Variants in DNAH3 observed in about 807,000 individuals in gnomAD.
The protein encoded by DNAH3 is axonemal beta dynein heavy chain 3.
Under a neutral mutation model 432.5 loss-of-function variants are expected in DNAH3, and 332 were observed. The observed-to-expected ratio is 0.77, with a 90% CI of 0.70 to 0.84. DNAH3 has a LOEUF of 0.84. Ranked by LOEUF, DNAH3 falls within the 40% of genes least tolerant of loss-of-function variation. The pLI is 0.00. For missense variants in DNAH3, 4,861 were observed against 5,114.0 expected (o/e 0.95, Z 1.51); for synonymous variants, 1,956 against 1,900.2 (o/e 1.03, Z -0.76).
At chr16:21,140,608 C>T in exon 5 of DNAH3, 2 of 1,614,152 alleles carry the variant, frequency 1.2e-6, no homozygotes, top group Non-Finnish European at 1.7e-6. Flanking sequence ...TGACATCGAG[C>T]TGCTGTTCTG....
chr16:20,953,434 C>G, intron 55 of DNAH3, among the ~76,000 whole-genome samples: 1 of 152,172 alleles, frequency 6.6e-6, no homozygotes, highest in South Asian at 2.1e-4. Context: ...GCTGGGATTA[C>G]AGGTGTGAAC....
chr16:21,083,350 C>T (rs190772759), intron 19 of DNAH3, among the ~76,000 whole-genome samples: 2 of 152,236 alleles, frequency 1.3e-5, no homozygotes, highest in Admixed American at 1.3e-4. Flanking sequence ...ACTCAGAAAG[C>T]ACAAAAGCAA....
intron 16 of DNAH3, 62 bp downstream of exon 16, chr16:21,104,409 C>G (rs949780237): frequency 6.2e-6 from 9 of 1,459,528 alleles, no homozygotes; most frequent in African/African-American, 1.4e-5. Context: ...GAACCAGGAA[C>G]CTGCAGCATG....
intron 41 of DNAH3, among the ~76,000 whole-genome samples, chr16:21,004,537 T>A (rs2087184299): frequency 6.6e-6 from 1 of 152,004 alleles, no homozygotes; most frequent in African/African-American, 2.4e-5. Context: ...CCTGCTAATT[T>A]TTGTATTATT....
chr16:21,154,951 CT>C lies in DNAH3; in HGVS notation c.117+4373del, dbSNP rs772054168. Among the ~76,000 whole-genome samples, 202 of 134,640 alleles carry C rather than the reference CT, an allele frequency of 1.5e-3. 1 individual carries two copies. Among genetic ancestry groups the C allele is most frequent in the South Asian group, 5.4e-3 (22 of 4,098 alleles). The allele number at this position is 134,640 out of a possible 152,430, so 88.3% of individuals were successfully genotyped here. ...TTCTCAATCTTCTTTTTCTTTCTTTCTTTTTTTTTTTTTTTTGAGATGGAAT... is the reference window on the plus strand; with the variant it reads ...TTCTCAATCTTCTTTTTCTTTCTTTCTTTTTTTTTTTTTTTGAGATGGAAT... On this transcript the variant is annotated intron_variant, in intron 1 of 61. Transcript: ENST00000261383.
chr16:20,941,220 A>G (rs560995940), intron 59 of DNAH3, among the ~76,000 whole-genome samples, 181 bp downstream of exon 59: 1 of 152,190 alleles, frequency 6.6e-6, no homozygotes, highest in Non-Finnish European at 1.5e-5. Context: ...AATAGAAGGA[A>G]TGATTCAACC....
chr16:20,993,743 G>T (rs1441912972), intron 44 of DNAH3, among the ~76,000 whole-genome samples: 2 of 152,040 alleles, frequency 1.3e-5, no homozygotes, highest in African/African-American at 4.8e-5. Flanking sequence ...CAGTGCAGTG[G>T]TGTAATCATA....
chr16:21,055,421 A>G (rs1478627628), intron 27 of DNAH3, among the ~76,000 whole-genome samples: 4 of 152,226 alleles, frequency 2.6e-5, no homozygotes, highest in Non-Finnish European at 4.4e-5. Flanking sequence ...TAGAGTAGAG[A>G]ATAAAATCGT....
At chr16:20,963,376 G>A (rs760103532) in exon 53 of DNAH3, 1 of 1,614,128 alleles carries the variant, frequency 6.2e-7, no homozygotes, top group Non-Finnish European at 8.5e-7. Flanking sequence ...GAACGTAGGG[G>A]CTTCGATATA....
At chr16:21,041,948 T>C in intron 32 of DNAH3, 79 bp downstream of exon 32, 3 of 1,537,788 alleles carry the variant, frequency 2.0e-6, no homozygotes, top group East Asian at 4.5e-5. Context: ...GCTGGGATTA[T>C]AGGTGTGAGC....
intron 50 of DNAH3, 35 bp downstream of exon 50, chr16:20,979,295 C>T: frequency 6.2e-7 from 1 of 1,604,656 alleles, no homozygotes; most frequent in African/African-American, 1.3e-5. Flanking sequence ...TCGTCCCGGG[C>T]CTCTTTGTCT....
intron 3 of DNAH3, among the ~76,000 whole-genome samples, chr16:21,141,585 C>T (rs1942514470): frequency 6.6e-6 from 1 of 152,230 alleles, no homozygotes; most frequent in Admixed American, 6.5e-5. Flanking sequence ...CTCCGGACCT[C>T]AGCTTCCTCA....
At chr16:20,939,291 C>T (rs1430847571) in intron 59 of DNAH3, among the ~76,000 whole-genome samples, 1 of 152,174 alleles carries the variant, frequency 6.6e-6, no homozygotes, top group African/African-American at 2.4e-5. Flanking sequence ...TTGGTCCCTG[C>T]TACGGCCAAC....
At chr16:20,958,015 T>C (rs1047854603) in intron 54 of DNAH3, among the ~76,000 whole-genome samples, 1 of 150,812 alleles carries the variant, frequency 6.6e-6, no homozygotes, top group Non-Finnish European at 1.5e-5. Context: ...ACCCCAGAAA[T>C]GTAGGATAGA....
Position 20,941,478 on chromosome 16 carries a change from C to G in DNAH3, c.11577G>C (p.Glu3859Asp), listed in dbSNP as rs1737450823. 1 of 1,614,082 alleles carries G rather than the reference C, an allele frequency of 6.2e-7. No homozygotes were observed. Among genetic ancestry groups the G allele is most frequent in the African/African-American group, 1.3e-5 (1 of 74,926 alleles). ...AGACCACGGGGTACAACTTCATGAC[C>G]TCTTCCAGGTCAAAGTCTCTGGGAA... Residue 3859 changes from glutamate to aspartate, a missense_variant, in exon 59 of 62, where the codon GAG (glutamate) becomes GAC (aspartate). Glu to Asp is a conservative substitution (Grantham distance 45, BLOSUM62 2). Transcript: ENST00000261383.
chr16:21,132,314 A>T (rs1311219251), intron 7 of DNAH3, among the ~76,000 whole-genome samples: 1 of 152,220 alleles, frequency 6.6e-6, no homozygotes, highest in Non-Finnish European at 1.5e-5. Flanking sequence ...AAGTTCGGCC[A>T]ATCAAAGTTA....
Position 20,985,375 on chromosome 16 carries a change from T to TA in DNAH3, c.7366dup (p.Tyr2456LeufsTer4). The TA allele has an allele frequency of 5.0e-6, 8 of 1,614,200 alleles. No homozygotes were observed. The highest frequency in any genetic ancestry group is 6.8e-6 in the Non-Finnish European group (8 of 1,180,016). On this transcript the variant is annotated frameshift_variant, in exon 48 of 62. Coordinates refer to ENST00000261383, the Ensembl canonical transcript of DNAH3. LOFTEE classifies it high-confidence loss of function. ...GTAGTTCTTGGTGATCTCAATCTGGTATAGCTCGTATGCGTTCATGAATGT... is the reference window on the plus strand; with the variant it reads ...GTAGTTCTTGGTGATCTCAATCTGGTAATAGCTCGTATGCGTTCATGAATGT...
intron 23 of DNAH3, among the ~76,000 whole-genome samples, chr16:21,068,356 C>T (rs2090654463): frequency 1.3e-5 from 2 of 150,038 alleles, no homozygotes; most frequent in African/African-American, 4.9e-5. Context: ...GCTCTGTTGC[C>T]CAGGCTAGAG....
At chr16:21,052,547 G>A (rs919417449) in intron 28 of DNAH3, among the ~76,000 whole-genome samples, 2 of 152,176 alleles carry the variant, frequency 1.3e-5, no homozygotes, top group African/African-American at 4.8e-5. Context: ...CTTCAGTTGT[G>A]TAATCTGTAA....
Sources: allele counts gnomAD v4.1 joint callset (sites outside exome capture counted in the v4.1 genomes callset), GRCh38; gene constraint gnomAD v4.1.1; transcripts MANE v1.5; gene names NCBI Gene and HGNC (gene_info 2026-07-23, HGNC 2026-07-21).